Variants in PRKCA observed in about 807,000 individuals in gnomAD.
PRKCA encodes protein kinase C alpha, also known as protein kinase C alpha type.
A neutral mutation model predicts 87.0 loss-of-function variants in PRKCA; 27 were observed. The observed-to-expected ratio is 0.31, with a 90% CI of 0.23 to 0.43. PRKCA has a LOEUF of 0.43. PRKCA is among the 20% of genes least tolerant of loss of function. PRKCA has a pLI of 1.00. For synonymous variants in PRKCA, 329 were observed against 311.1 expected (o/e 1.06, Z -0.61); for missense variants, 518 against 852.3 (o/e 0.61, Z 4.88).
At chr17:66,581,732 C>A (rs1969441902) in intron 3 of PRKCA, among the ~76,000 whole-genome samples, 1 of 152,332 alleles carries the variant, frequency 6.6e-6, no homozygotes, top group East Asian at 1.9e-4. Context: ...GCCTCAGCCT[C>A]CCAAAGTGCT....
intron 3 of PRKCA, among the ~76,000 whole-genome samples, chr17:66,568,354 T>G (rs1288139219): frequency 6.6e-6 from 1 of 152,118 alleles, no homozygotes; most frequent in Non-Finnish European, 1.5e-5. Flanking sequence ...TCTTTATTTG[T>G]GGTAGAGGTT....
intron 15 of PRKCA, among the ~76,000 whole-genome samples, chr17:66,788,166 C>T (rs1421809412): frequency 1.3e-5 from 2 of 152,154 alleles, no homozygotes; most frequent in African/African-American, 4.8e-5. Flanking sequence ...GTACAATATA[C>T]CCTTAACAGT....
intron 8 of PRKCA, among the ~76,000 whole-genome samples, chr17:66,696,224 T>C (rs1370972491): frequency 6.6e-6 from 1 of 152,230 alleles, no homozygotes; most frequent in South Asian, 2.1e-4. Context: ...GGACCCAGAC[T>C]TCTAGGTTCA....
chr17:66,330,277 T>G (rs1195073725), intron 2 of PRKCA, among the ~76,000 whole-genome samples: 2 of 152,004 alleles, frequency 1.3e-5, no homozygotes, highest in East Asian at 3.9e-4. Flanking sequence ...AGTTAATTTT[T>G]TGTAGTTTTA....
At chr17:66,774,526 C>A in intron 14 of PRKCA, 1 of 720,474 alleles carries the variant, frequency 1.4e-6, no homozygotes, top group Non-Finnish European at 1.7e-6. Flanking sequence ...GCTACTGAGG[C>A]ATGAGAATTG....
chr17:66,336,819 G>A (rs1028229276), intron 2 of PRKCA, among the ~76,000 whole-genome samples: 9 of 138,688 alleles, frequency 6.5e-5, no homozygotes, highest in South Asian at 2.5e-4. Context: ...ACGGAGTTTC[G>A]CTCTTGTTGC....
chr17:66,401,857 G>A (rs1289813364), intron 2 of PRKCA, among the ~76,000 whole-genome samples: 1 of 152,160 alleles, frequency 6.6e-6, no homozygotes, highest in Non-Finnish European at 1.5e-5. Context: ...TTCCCTTTTG[G>A]ACATTTTGGG....
chr17:66,726,250 G>A (rs1428576650), intron 8 of PRKCA, among the ~76,000 whole-genome samples: 1 of 152,110 alleles, frequency 6.6e-6, no homozygotes, highest in Non-Finnish European at 1.5e-5. Flanking sequence ...GTGTTCGCAG[G>A]TGTGCAGGAC....
intron 2 of PRKCA, among the ~76,000 whole-genome samples, chr17:66,322,038 A>C (rs538058863): frequency 6.6e-6 from 1 of 152,262 alleles, no homozygotes; most frequent in East Asian, 1.9e-4. Flanking sequence ...TTAAACTTTT[A>C]GTTGCTTTGG....
chr17:66,695,931 C>T (rs1448146732), intron 8 of PRKCA, among the ~76,000 whole-genome samples: 1 of 152,168 alleles, frequency 6.6e-6, no homozygotes. Flanking sequence ...TCCCTTGAAG[C>T]TTGTATGAGC....
intron 2 of PRKCA, among the ~76,000 whole-genome samples, chr17:66,436,965 T>C (rs1913428279): frequency 6.6e-6 from 1 of 152,094 alleles, no homozygotes; most frequent in African/African-American, 2.4e-5. Flanking sequence ...CGTTCAGCTG[T>C]GGGATGATTG....
At chr17:66,379,099 C>T (rs947487104) in intron 2 of PRKCA, among the ~76,000 whole-genome samples, 9 of 152,086 alleles carry the variant, frequency 5.9e-5, no homozygotes, top group Non-Finnish European at 8.8e-5. Context: ...ATGAACAGTG[C>T]TGCTGTGAAC....
chr17:66,775,096 G>C (rs1449253647), intron 14 of PRKCA: 1 of 985,324 alleles, frequency 1.0e-6, no homozygotes, highest in Non-Finnish European at 1.2e-6. Flanking sequence ...GGAATTAGTG[G>C]AGAAATCTGA....
At position 66,645,956 on chromosome 17, in the gene PRKCA, C is replaced by T. The variant is rs142665359; in HGVS notation, c.529+445C>T. On this transcript the variant is annotated intron_variant, in intron 5 of 16. Coordinates refer to ENST00000413366, the MANE Select transcript of PRKCA (RefSeq NM_002737.3). ...AATCCACCTCAGCGATAGCAACAGC[C>T]GTTGAGTGCTTTTGCTTCCTCTGTG... is the stretch of plus-strand genomic sequence containing the variant. Among the ~76,000 whole-genome samples the T allele has an allele frequency of 2.0e-3, 303 of 152,322 alleles. 3 individuals carry two copies. The highest frequency in any genetic ancestry group is 6.9e-3 in the African/African-American group (287 of 41,570).
intron 13 of PRKCA, among the ~76,000 whole-genome samples, chr17:66,742,968 T>C (rs1421181393): frequency 6.6e-6 from 1 of 152,224 alleles, no homozygotes; most frequent in East Asian, 1.9e-4. Context: ...CTGGAACTGT[T>C]GTTTGCTCCA....
chr17:66,368,722 C>T (rs1281129578), intron 2 of PRKCA, among the ~76,000 whole-genome samples: 1 of 151,962 alleles, frequency 6.6e-6, no homozygotes, highest in Non-Finnish European at 1.5e-5. Context: ...GTTTCTCGTT[C>T]ATAATATAAA....
chr17:66,789,629 C>T (rs918450741), intron 16 of PRKCA, among the ~76,000 whole-genome samples: 1 of 152,200 alleles, frequency 6.6e-6, no homozygotes, highest in Non-Finnish European at 1.5e-5. Context: ...ATCCCAGCAG[C>T]CCTGTGAGAT....
chr17:66,362,953 C>G (rs576652929), intron 2 of PRKCA, among the ~76,000 whole-genome samples: 1 of 152,170 alleles, frequency 6.6e-6, no homozygotes, highest in Non-Finnish European at 1.5e-5. Context: ...CTCAGCCTCC[C>G]GAAGTGTTGA....
intron 3 of PRKCA, among the ~76,000 whole-genome samples, chr17:66,607,410 G>C (rs1970241254): frequency 6.6e-6 from 1 of 152,186 alleles, no homozygotes; most frequent in Non-Finnish European, 1.5e-5. Flanking sequence ...GAGGGGAAGA[G>C]ACATGGATTC....
Sources: allele counts gnomAD v4.1 joint callset (sites outside exome capture counted in the v4.1 genomes callset), GRCh38; gene constraint gnomAD v4.1.1; transcripts MANE v1.5; gene names NCBI Gene and HGNC (gene_info 2026-07-23, HGNC 2026-07-21).